FBXW12: variants seen among roughly 807,000 people sequenced by gnomAD.
FBXW12 encodes the protein F-box/WD repeat-containing protein 12.
In FBXW12, 43 loss-of-function variants were observed where a neutral mutation model predicts 55.3. The ratio of observed to expected loss-of-function variants is 0.78; its 90% CI spans 0.61 to 1.00. The LOEUF (loss-of-function observed/expected upper bound fraction) is 1.00. FBXW12 is among the 50% of genes least tolerant of loss of function. FBXW12 has a pLI of 0.00. For synonymous variants in FBXW12, 184 were observed against 203.8 expected (o/e 0.90, Z 0.83); for missense variants, 524 against 560.5 (o/e 0.93, Z 0.66).
intron 5 of FBXW12, 73 bp downstream of exon 5, chr3:48,375,545 G>A (rs1031184731): frequency 2.3e-6 from 2 of 863,672 alleles, no homozygotes; most frequent in African/African-American, 3.6e-5. Flanking sequence ...AAACGGAAGT[G>A]CTGAGAGGAA....
Position 48,375,456 on chromosome 3 carries a change from C to T in FBXW12, c.389C>T (p.Ala130Val), listed in dbSNP as rs1362400282. ...GTATCTCCAAAGCAAGAGCTTTGTG[C>T]CTGGGATGTGCAAGAGGTGAGTCTG... Reference protein sequence around the residue: ...CSVSPKQELCAWDVQEGTMIW... With the variant: ...CSVSPKQELCVWDVQEGTMIW... Residue 130 changes from alanine to valine, a missense_variant, in exon 5 of 11, where the codon GCC (alanine) becomes GTC (valine). Ala to Val is a moderately conservative substitution (Grantham distance 64). Transcript: ENST00000296438. 6.2e-6 allele frequency: 10 copies of T among 1,602,038 alleles called. No individual in the cohort carries two copies. The highest frequency in any genetic ancestry group is 7.7e-6 in the Non-Finnish European group (9 of 1,172,718).
intron 7 of FBXW12, chr3:48,379,914 A>G: frequency 3.9e-6 from 1 of 253,262 alleles, no homozygotes; most frequent in Non-Finnish European, 7.7e-6. Flanking sequence ...CAGGAGTTCC[A>G]GGCCATAGTG....
chr3:48,379,381 G>A lies in FBXW12; in HGVS notation c.616-19G>A. On this transcript the variant is annotated intron_variant, in intron 6 of 10. Coordinates refer to ENST00000296438, the MANE Select transcript of FBXW12 (RefSeq NM_207102.2). ...TCACATATCTTCCTATTGATATGGT[G>A]GGGATGCTTTGGTTTCAGGTTGGCG... The A allele has an allele frequency of 6.2e-7, 1 of 1,613,026 alleles. No individual in the cohort carries two copies. The highest frequency in any genetic ancestry group is 8.5e-7 in the Non-Finnish European group (1 of 1,179,164).
chr3:48,372,363 T>G, intron 1 of FBXW12, 43 bp downstream of exon 1: 1 of 1,548,622 alleles, frequency 6.5e-7, no homozygotes, highest in East Asian at 2.4e-5. Flanking sequence ...TTCCAGGAGT[T>G]TGGAACTTAA....
chr3:48,392,770 ATC>A (rs2036948382), intron 10 of FBXW12, among the ~76,000 whole-genome samples: 1 of 152,130 alleles, frequency 6.6e-6, no homozygotes, highest in South Asian at 2.1e-4. Context: ...AAATCTCTAT[ATC>A]TCTCTAGATA....
At chr3:48,387,252 T>C (rs1343424193) in intron 10 of FBXW12, among the ~76,000 whole-genome samples, 1 of 152,182 alleles carries the variant, frequency 6.6e-6, no homozygotes, top group African/African-American at 2.4e-5. Flanking sequence ...GTCAAATGTG[T>C]GTAGATTTGT....
intron 8 of FBXW12, 44 bp from the exon 9 acceptor site, chr3:48,381,656 C>T: frequency 6.7e-7 from 1 of 1,492,132 alleles, no homozygotes; most frequent in Non-Finnish European, 8.9e-7. Context: ...TCTTTACTTC[C>T]TTATGTGTGT....
intron 10 of FBXW12, among the ~76,000 whole-genome samples, chr3:48,388,368 A>G (rs2036875452): frequency 6.6e-6 from 1 of 152,154 alleles, no homozygotes; most frequent in Admixed American, 6.5e-5. Context: ...GAGACTGTTG[A>G]ATTTCCTATT....
chr3:48,382,893 C>A (rs1436301090), intron 10 of FBXW12, among the ~76,000 whole-genome samples: 1 of 152,180 alleles, frequency 6.6e-6, no homozygotes, highest in Non-Finnish European at 1.5e-5. Context: ...CTTTGCACTG[C>A]CAACACCACT....
chr3:48,373,762 T>A, intron 4 of FBXW12, 57 bp downstream of exon 4: 1 of 1,502,942 alleles, frequency 6.7e-7, no homozygotes, highest in South Asian at 1.2e-5. Context: ...AGGTCCACTC[T>A]ATTTGATTTT....
In FBXW12 at chr3:48,380,881, C is replaced by T. The variant is rs766975483; in HGVS notation, c.954C>T (p.Thr318=). 6.2e-7 allele frequency: 1 copy of T among 1,614,054 alleles called. No individual in the cohort carries two copies. The highest frequency in any genetic ancestry group is 8.5e-7 in the Non-Finnish European group (1 of 1,180,032). Residue 318 remains threonine, a synonymous_variant, in exon 8 of 11, where the codon ACC becomes ACT. Transcript: ENST00000296438. ...AATTTATCACCTTTGATCTAACAAC[C>T]AAGAAGACTGGAGGCCAAACAGTCA... ...KTEFITFDLT[T]KKTGGQTVIQ...
intron 10 of FBXW12, among the ~76,000 whole-genome samples, chr3:48,393,778 CTT>C (rs1575365802): frequency 9.7e-6 from 1 of 103,022 alleles, no homozygotes; most frequent in Non-Finnish European, 1.9e-5. Context: ...TATTTTTTTT[CTT>C]TCTTTTTTTT....
At chr3:48,385,226 T>C (rs555861802) in intron 10 of FBXW12, among the ~76,000 whole-genome samples, 7 of 152,330 alleles carry the variant, frequency 4.6e-5, no homozygotes, top group Admixed American at 1.3e-4. Context: ...GATGATGCAG[T>C]ATTTGTCTTT....
rs2036782820 is a variant in FBXW12, at chr3:48,381,989, CTG to C, written c.1202_1203del (p.Val401AlafsTer26). The C allele has an allele frequency of 1.2e-6, 2 of 1,614,072 alleles. No homozygotes were observed. Among genetic ancestry groups the C allele is most frequent in the African/African-American group, 1.3e-5 (1 of 74,900 alleles). On this transcript the variant is annotated frameshift_variant, in exon 10 of 11. Coordinates refer to ENST00000296438, the MANE Select transcript of FBXW12 (RefSeq NM_207102.2). LOFTEE classifies it high-confidence loss of function. ...TATGTGCTCACCACATCCGAGAACT[CTG>C]TGCACGTGTACATGTGGGAAGAAGG...
At chr3:48,383,227 A>G (rs1209000908) in intron 10 of FBXW12, among the ~76,000 whole-genome samples, 1 of 152,214 alleles carries the variant, frequency 6.6e-6, no homozygotes, top group Non-Finnish European at 1.5e-5. Flanking sequence ...TACACCAATC[A>G]TAAATACTTA....
chr3:48,392,823 T>C (rs78452796), intron 10 of FBXW12, among the ~76,000 whole-genome samples: 3,221 of 152,264 alleles, frequency 0.021, 108 homozygotes, highest in African/African-American at 0.07. Context: ...TTATTTCCTT[T>C]GTTTTTAATT....
rs201559666 is a variant in FBXW12 at position 48,373,562 on chromosome 3, A to G, written c.143A>G (p.Gln48Arg). 1.2e-6 allele frequency: 2 copies of G among 1,614,056 alleles called. No homozygotes were observed. The highest frequency in any genetic ancestry group is 3.3e-5 in the Admixed American group (2 of 60,022). ...TCTGTTTCCAGGTCACTATCTCTGC[A>G]GAGATGGGACTGCAGCAACTTCACC... ...SDYLWRSLSL[Q>R]RWDCSNFTNQ... The change falls in exon 4 of 11, where the codon CAG (glutamine) becomes CGG (arginine). Residue 48 changes from glutamine (Q) to arginine (R), a missense_variant. Transcript: ENST00000296438.
intron 10 of FBXW12, among the ~76,000 whole-genome samples, chr3:48,393,353 T>C (rs2036958802): frequency 1.3e-5 from 2 of 152,116 alleles, no homozygotes. Flanking sequence ...CAGGACTCCA[T>C]CTCAGTGTCT....
At chr3:48,372,957 T>TGGG (rs1213399012) in intron 2 of FBXW12, 100 bp downstream of exon 2, 6 of 1,137,054 alleles carry the variant, frequency 5.3e-6, no homozygotes, top group African/African-American at 1.5e-5. Flanking sequence ...ACTGAGGCTT[T>TGGG]GGGGGTTAGC....
Sources: allele counts gnomAD v4.1 joint callset (sites outside exome capture counted in the v4.1 genomes callset), GRCh38; gene constraint gnomAD v4.1.1; transcripts MANE v1.5; gene names NCBI Gene and HGNC (gene_info 2026-07-23, HGNC 2026-07-21).